The following ENOX1 variants were observed in gnomAD, a reference collection of about 807,000 sequenced individuals.
The protein encoded by ENOX1 is ecto-NOX disulfide-thiol exchanger 1.
ENOX1 carries 42 observed loss-of-function variants against 82.5 expected under a neutral mutation model. The ratio of observed to expected loss-of-function variants is 0.51; its 90% CI spans 0.40 to 0.66. The LOEUF is 0.66. Ranked by LOEUF, ENOX1 falls within the 30% of genes least tolerant of loss-of-function variation. ENOX1 has a pLI of 0.00. For synonymous variants in ENOX1, 271 were observed against 282.2 expected, an observed-to-expected ratio of 0.96 and a Z score of 0.40; for missense variants, 608 against 811.6, an observed-to-expected ratio of 0.75 and a Z score of 3.05.
chr13:43,475,557 C>G (rs78575157), intron 3 of ENOX1, among the ~76,000 whole-genome samples: 4,260 of 152,142 alleles, frequency 0.028, 170 homozygotes, highest in African/African-American at 0.092. Context: ...GTTCTCAATA[C>G]TTATTAATTA....
At chr13:43,541,072 T>C (rs550975548) in intron 2 of ENOX1, among the ~76,000 whole-genome samples, 8 of 152,142 alleles carry the variant, frequency 5.3e-5, no homozygotes, top group African/African-American at 1.9e-4. Flanking sequence ...CTACTGCATA[T>C]CACTGTTGTC....
In ENOX1 at chr13:43,413,695, ATATTTT is replaced by A. The variant is rs1251447133; in HGVS notation, c.-74-713_-74-708del. Reference sequence around the variant, plus strand: ...AGAATTGCCCAGCTTATATATATATATATTTTTATATATTTATATATATTTATATAT... The same window carrying A: ...AGAATTGCCCAGCTTATATATATATATATATATTTATATATATTTATATAT... On this transcript the variant is annotated intron_variant, in intron 3 of 16. Transcript: ENST00000690772. 6.2e-5 allele frequency among the ~76,000 whole-genome samples: 9 copies of A among 145,824 alleles called. No homozygotes were observed. In the South Asian group the frequency reaches 1.7e-3, roughly 28 times the overall value.
intron 2 of ENOX1, among the ~76,000 whole-genome samples, chr13:43,593,398 T>G (rs1293848756): frequency 6.6e-6 from 1 of 151,862 alleles, no homozygotes; most frequent in Non-Finnish European, 1.5e-5. Flanking sequence ...GGAGGGCCCT[T>G]CTAGGTCTCT....
intron 11 of ENOX1, among the ~76,000 whole-genome samples, chr13:43,300,494 A>G (rs184697761): frequency 9.8e-5 from 15 of 152,346 alleles, no homozygotes; most frequent in African/African-American, 3.6e-4. Flanking sequence ...AACCCCAAGA[A>G]CTTGGAAAGG....
intron 5 of ENOX1, among the ~76,000 whole-genome samples, chr13:43,374,743 C>T (rs1175888419): frequency 1.3e-5 from 2 of 152,180 alleles, no homozygotes; most frequent in Non-Finnish European, 2.9e-5. Context: ...TATATCTCCA[C>T]CAGATTCTTC....
intron 2 of ENOX1, among the ~76,000 whole-genome samples, chr13:43,567,649 C>T (rs1011834453): frequency 1.3e-5 from 2 of 151,686 alleles, no homozygotes; most frequent in African/African-American, 4.8e-5. Flanking sequence ...GGAAAGGAAC[C>T]GAGACACAGA....
At chr13:43,565,269 G>A (rs2079868727) in intron 2 of ENOX1, among the ~76,000 whole-genome samples, 1 of 152,176 alleles carries the variant, frequency 6.6e-6, no homozygotes, top group Non-Finnish European at 1.5e-5. Context: ...AGAGCTTGAT[G>A]TGTTCACAGA....
rs150347425 is a variant in ENOX1 at position 43,352,873 on chromosome 13, A to T, written c.823+3046T>A. The stretch of plus-strand genomic sequence containing the variant: ...CCGGGCTGGCTATCTCCCCTGTGAC[A>T]GCACTGTGCACTTCCCACATATAAC... On this transcript the variant is annotated intron_variant, in intron 8 of 16. Transcript: ENST00000690772. Among the ~76,000 whole-genome samples, 287 of 152,320 alleles carry T rather than the reference A, an allele frequency of 1.9e-3. 11 individuals carry two copies. In the South Asian group the frequency reaches 0.053, roughly 28 times the overall value.
intron 2 of ENOX1, among the ~76,000 whole-genome samples, chr13:43,629,536 C>G (rs1210676596): frequency 6.6e-6 from 1 of 152,178 alleles, no homozygotes; most frequent in African/African-American, 2.4e-5. Context: ...CAGGAGTTTT[C>G]ATTGTATTTA....
At chr13:43,719,687 C>T (rs1294848992) in intron 1 of ENOX1, among the ~76,000 whole-genome samples, 6 of 152,056 alleles carry the variant, frequency 3.9e-5, no homozygotes, top group Non-Finnish European at 7.4e-5. Context: ...TGGACAGTCT[C>T]GGAACATGCA....
At chr13:43,414,335 GATGA>G (rs958370787) in intron 3 of ENOX1, among the ~76,000 whole-genome samples, 5 of 152,292 alleles carry the variant, frequency 3.3e-5, no homozygotes, top group African/African-American at 1.2e-4. Flanking sequence ...CTGTCAGGAA[GATGA>G]ATCATCATCA....
chr13:43,602,728 T>C (rs2081781091), intron 2 of ENOX1, among the ~76,000 whole-genome samples: 1 of 151,988 alleles, frequency 6.6e-6, no homozygotes, highest in African/African-American at 2.4e-5. Flanking sequence ...TTTGAGGAGA[T>C]GATATTCACT....
Position 43,501,898 on chromosome 13 carries a change from G to C in ENOX1, c.-218-17746C>G, listed in dbSNP as rs75509950. 6.1e-3 allele frequency among the ~76,000 whole-genome samples: 922 copies of C among 150,134 alleles called. 7 individuals carry two copies. Among genetic ancestry groups the C allele is most frequent in the African/African-American group, 0.021 (878 of 41,214 alleles). ...AGAAGAAAGAAAATATTAAACGTTAGAACAGAAATAAATGAACTAGAAAAC... is the reference window on the plus strand; with the variant it reads ...AGAAGAAAGAAAATATTAAACGTTACAACAGAAATAAATGAACTAGAAAAC... On this transcript the variant is annotated intron_variant, in intron 2 of 16. Coordinates refer to ENST00000690772, the MANE Select transcript of ENOX1 (RefSeq NM_001347969.2).
chr13:43,711,945 T>G (rs2087750803), intron 1 of ENOX1, among the ~76,000 whole-genome samples: 2 of 145,170 alleles, frequency 1.4e-5, no homozygotes, highest in Admixed American at 1.4e-4. Context: ...ATTTGTCAAT[T>G]TTGGCTTTTG....
chr13:43,347,435 T>A (rs945483883), intron 8 of ENOX1, among the ~76,000 whole-genome samples: 1 of 152,202 alleles, frequency 6.6e-6, no homozygotes, highest in Admixed American at 6.5e-5. Flanking sequence ...CGATATATGA[T>A]TGATGTACTG....
intron 2 of ENOX1, among the ~76,000 whole-genome samples, chr13:43,487,531 C>T (rs1273448880): frequency 6.6e-6 from 1 of 152,214 alleles, no homozygotes; most frequent in Non-Finnish European, 1.5e-5. Context: ...AATCAACGTA[C>T]TGCTACCAAG....
At chr13:43,492,572 T>C (rs74436118) in intron 2 of ENOX1, among the ~76,000 whole-genome samples, 2,004 of 152,252 alleles carry the variant, frequency 0.013, 46 homozygotes, top group African/African-American at 0.046. Context: ...CTAATGAACA[T>C]AATTATGTGA....
intron 14 of ENOX1, among the ~76,000 whole-genome samples, chr13:43,238,137 T>A (rs1254187657): frequency 6.6e-6 from 1 of 152,060 alleles, no homozygotes; most frequent in Non-Finnish European, 1.5e-5. Flanking sequence ...GGTAGGAAAA[T>A]CCCAATAAGG....
chr13:43,494,973 T>G (rs1366222614), intron 2 of ENOX1, among the ~76,000 whole-genome samples: 1 of 152,140 alleles, frequency 6.6e-6, no homozygotes, highest in African/African-American at 2.4e-5. Flanking sequence ...GGGGAGACTG[T>G]AAGAACACTG....
Sources: allele counts gnomAD v4.1 joint callset (sites outside exome capture counted in the v4.1 genomes callset), GRCh38; gene constraint gnomAD v4.1.1; transcripts MANE v1.5; gene names NCBI Gene and HGNC (gene_info 2026-07-23, HGNC 2026-07-21).